COL28A1: variants seen among roughly 807,000 people sequenced by gnomAD.
The protein encoded by COL28A1 is collagen alpha-1(XXVIII) chain.
Under a neutral mutation model 150.2 loss-of-function variants are expected in COL28A1, and 161 were observed. That is an observed-to-expected ratio of 1.07 (90% CI 0.94 to 1.22). COL28A1 has a LOEUF of 1.22. COL28A1 is among the 50% of genes most tolerant of loss of function. The pLI, the probability that COL28A1 is intolerant of heterozygous loss-of-function variation, is 0.00. For synonymous variants in COL28A1, 552 were observed against 469.7 expected, an observed-to-expected ratio of 1.18 and a Z score of -2.26; for missense variants, 1,617 against 1,388.3, an observed-to-expected ratio of 1.16 and a Z score of -2.62.
intron 27 of COL28A1, among the ~76,000 whole-genome samples, chr7:7,387,233 A>C (rs772547857): frequency 2.6e-5 from 4 of 152,082 alleles, no homozygotes; most frequent in Non-Finnish European, 5.9e-5. Context: ...ATGCCCTACT[A>C]TTTGTGGAGG....
chr7:7,429,176 T>A (rs74502619), intron 25 of COL28A1, among the ~76,000 whole-genome samples: 1 of 152,150 alleles, frequency 6.6e-6, no homozygotes, highest in Non-Finnish European at 1.5e-5. Flanking sequence ...AAAGCTTAAA[T>A]GAAAAACATA....
chr7:7,458,392 G>T (rs1206220349), intron 15 of COL28A1, among the ~76,000 whole-genome samples: 1 of 150,870 alleles, frequency 6.6e-6, no homozygotes, highest in Admixed American at 6.6e-5. Context: ...CTCCAGCCTG[G>T]ACAACAAGAG....
At chr7:7,438,802 G>C (rs76291952) in intron 21 of COL28A1, among the ~76,000 whole-genome samples, 3,170 of 152,234 alleles carry the variant, frequency 0.021, 89 homozygotes, top group African/African-American at 0.065. Context: ...ACTTCTCTAC[G>C]GTAGGTGGGC....
chr7:7,465,474 A>C (rs1374582954), intron 15 of COL28A1, among the ~76,000 whole-genome samples: 2 of 139,722 alleles, frequency 1.4e-5, no homozygotes, highest in African/African-American at 5.4e-5. Context: ...AATCTCGCTG[A>C]TTGCTAGCAC....
At chr7:7,377,174 T>G (rs896831410) in intron 30 of COL28A1, among the ~76,000 whole-genome samples, 2 of 152,212 alleles carry the variant, frequency 1.3e-5, no homozygotes, top group Non-Finnish European at 1.5e-5. Flanking sequence ...CAAGGTTAGA[T>G]TTTAATTTTG....
chr7:7,504,910 T>C lies in COL28A1; in HGVS notation c.1026+1104A>G, dbSNP rs146215464. ...AAATTGTGTGGTCTGTCAAAATATA[T>C]ATTTTTTTCTTACTGTAGGATTGTA... On this transcript the variant is annotated intron_variant, in intron 11 of 34. Transcript: ENST00000399429. 2.2e-3 allele frequency among the ~76,000 whole-genome samples: 338 copies of C among 152,290 alleles called. 1 individual carries two copies. Among genetic ancestry groups the C allele is most frequent in the African/African-American group, 7.6e-3 (317 of 41,558 alleles).
chr7:7,457,601 A>C (rs1787269527), intron 15 of COL28A1, among the ~76,000 whole-genome samples: 1 of 152,218 alleles, frequency 6.6e-6, no homozygotes, highest in Admixed American at 6.5e-5. Context: ...AAATGATATT[A>C]AAGGCCATAA....
intron 27 of COL28A1, among the ~76,000 whole-genome samples, chr7:7,412,858 A>G (rs1783864346): frequency 6.6e-6 from 1 of 152,126 alleles, no homozygotes; most frequent in Non-Finnish European, 1.5e-5. Flanking sequence ...AAAGATTAGT[A>G]AGCTGAGATT....
rs7800782 is a variant in COL28A1 at position 7,405,363 on chromosome 7, C to T, written c.2136+12496G>A. 3.8e-4 allele frequency among the ~76,000 whole-genome samples: 57 copies of T among 151,864 alleles called. 1 individual carries two copies. Among genetic ancestry groups the T allele is most frequent in the Admixed American group, 3.7e-3 (57 of 15,248 alleles). The stretch of plus-strand genomic sequence containing the variant: ...AGTATGGTAATTTAAGATAGATTGA[C>T]GTCTGTGGAAGATTTATTTCTTTCT... On this transcript the variant is annotated intron_variant, in intron 27 of 34. Transcript: ENST00000399429.
At chr7:7,449,398 A>G (rs1786509526) in intron 18 of COL28A1, among the ~76,000 whole-genome samples, 1 of 152,124 alleles carries the variant, frequency 6.6e-6, no homozygotes, top group East Asian at 1.9e-4. Flanking sequence ...AAAAGAAGGA[A>G]GCTTCCTTAA....
chr7:7,367,362 G>A (rs1310282256), intron 33 of COL28A1, among the ~76,000 whole-genome samples: 1 of 152,172 alleles, frequency 6.6e-6, no homozygotes, highest in Non-Finnish European at 1.5e-5. Context: ...GAATAGAAAT[G>A]CACGTTTGTT....
intron 26 of COL28A1, among the ~76,000 whole-genome samples, chr7:7,419,200 T>C (rs901199319): frequency 1.3e-5 from 2 of 152,188 alleles, no homozygotes; most frequent in African/African-American, 2.4e-5. Context: ...CTCAGCACTA[T>C]TAACATTTTG....
chr7:7,511,166 G>A, intron 8 of COL28A1, 31 bp from the exon 9 acceptor site: 3 of 1,531,360 alleles, frequency 2.0e-6, no homozygotes, highest in Non-Finnish European at 2.7e-6. Context: ...ATAAATAAGA[G>A]AACACTTGCA....
intron 15 of COL28A1, among the ~76,000 whole-genome samples, chr7:7,464,395 T>G (rs1203465004): frequency 1.3e-5 from 2 of 152,092 alleles, no homozygotes; most frequent in Non-Finnish European, 2.9e-5. Flanking sequence ...TTCTCCAAGA[T>G]AAAACATATC....
At chr7:7,454,490 AT>A (rs562821451) in intron 16 of COL28A1, among the ~76,000 whole-genome samples, 3 of 151,910 alleles carry the variant, frequency 2.0e-5, no homozygotes, top group African/African-American at 7.2e-5. Context: ...CTACCTCGAA[AT>A]TTTTTTTTCT....
the COL28A1 span, among the ~76,000 whole-genome samples, chr7:7,339,611 A>C: frequency 6.6e-6 from 1 of 152,106 alleles, no homozygotes; most frequent in African/African-American, 2.4e-5. Context: ...TCCACTTTAC[A>C]CACCTTTCCT....
Position 7,378,595 on chromosome 7 carries a change from G to A in COL28A1, c.2322+2065C>T, listed in dbSNP as rs542436178. Among the ~76,000 whole-genome samples, 28 of 152,288 alleles carry A rather than the reference G, an allele frequency of 1.8e-4. No homozygotes were observed. In the South Asian group the frequency reaches 5.0e-3, roughly 27 times the overall value. ...TTGATAGCTATTGGGGGATACATTC[G>A]ATCACAGAAAGGATAAGAGGGGGAG... On this transcript the variant is annotated intron_variant, in intron 30 of 34. Coordinates refer to ENST00000399429, the MANE Select transcript of COL28A1 (RefSeq NM_001037763.3).
chr7:7,484,728 C>G (rs1236141863), intron 13 of COL28A1, among the ~76,000 whole-genome samples: 1 of 152,020 alleles, frequency 6.6e-6, no homozygotes, highest in South Asian at 2.1e-4. Flanking sequence ...TAGGAATCAA[C>G]CTAAATGCCC....
rs778731875 is a variant in COL28A1 at position 7,443,622 on chromosome 7, G to A, written c.1613C>T (p.Pro538Leu). Residue 538 changes from proline to leucine, a missense_variant, in exon 20 of 35, where the codon CCA (proline) becomes CTA (leucine). Pro to Leu is a moderately conservative substitution (Grantham distance 98). Coordinates refer to ENST00000399429, the MANE Select transcript of COL28A1 (RefSeq NM_001037763.3). ...GEAGLPGARG[P>L]EGPPGKGQPG... ...CTGTCCTTTTCCAGGTGGTCCTTCTGGGCCTCTTGCTCCCGGAAGCCCCGC... is the reference window on the plus strand; with the variant it reads ...CTGTCCTTTTCCAGGTGGTCCTTCTAGGCCTCTTGCTCCCGGAAGCCCCGC... The A allele has an allele frequency of 6.2e-6, 10 of 1,613,900 alleles. No homozygotes were observed. The African/African-American group carries it at 1.1e-4, about 17-fold the overall frequency.
Sources: gnomAD v4.1 joint callset for allele counts (sites outside exome capture counted in the v4.1 genomes callset) on GRCh38, gnomAD v4.1.1 for gene constraint, MANE v1.5 for transcripts, NCBI Gene and HGNC (gene_info 2026-07-23, HGNC 2026-07-21) for gene names.